KIAA2012: variants seen among roughly 807,000 people sequenced by gnomAD.
KIAA2012 encodes uncharacterized protein KIAA2012.
In KIAA2012, 125 loss-of-function variants were observed where a neutral mutation model predicts 150.6. That is an observed-to-expected ratio of 0.83 (90% confidence interval 0.72 to 0.96). The LOEUF (loss-of-function observed/expected upper bound fraction) is 0.96. KIAA2012 is among the 40% of genes least tolerant of loss of function. The pLI is 0.00. For synonymous variants in KIAA2012, 462 were observed against 504.7 expected (o/e 0.92, Z 1.13); for missense variants, 1,219 against 1,354.9 (o/e 0.90, Z 1.57).
intron 2 of KIAA2012, among the ~76,000 whole-genome samples, chr2:202,080,696 CAAAAAAA>C (rs59085497): frequency 1.9e-5 from 2 of 104,756 alleles, no homozygotes; most frequent in Non-Finnish European, 4.0e-5. Flanking sequence ...AACTCCGTCT[CAAAAAAA>C]AAAAAAAAAA....
intron 15 of KIAA2012, among the ~76,000 whole-genome samples, chr2:202,165,834 T>G (rs1691746468): frequency 6.6e-6 from 1 of 152,240 alleles, no homozygotes; most frequent in African/African-American, 2.4e-5. Context: ...TCAAAAGTAA[T>G]TAATTTTTAT....
At chr2:202,195,136 G>A (rs552663638) in intron 21 of KIAA2012, among the ~76,000 whole-genome samples, 13 of 152,128 alleles carry the variant, frequency 8.5e-5, no homozygotes, top group African/African-American at 3.1e-4. Flanking sequence ...TGACCGTTTG[G>A]CACATATATG....
At chr2:202,113,525 C>A (rs1180649243) in intron 11 of KIAA2012, 79 bp downstream of exon 11, 6 of 958,554 alleles carry the variant, frequency 6.3e-6, no homozygotes, top group Non-Finnish European at 9.3e-6. Flanking sequence ...CCAAATTTTC[C>A]CAGCAGCAGC....
intron 5 of KIAA2012, among the ~76,000 whole-genome samples, chr2:202,098,499 G>A (rs578174379): frequency 1.3e-5 from 2 of 152,322 alleles, no homozygotes; most frequent in Admixed American, 1.3e-4. Context: ...GCTTAACTTT[G>A]TTAAACTCTG....
At chr2:202,165,465 T>G in intron 15 of KIAA2012, 109 bp downstream of exon 15, 3 of 1,075,568 alleles carry the variant, frequency 2.8e-6, no homozygotes, top group Non-Finnish European at 4.1e-6. Context: ...CTCACGCCTG[T>G]AGTCCCAGCA....
At chr2:202,204,938 G>A (rs1311425916) in intron 23 of KIAA2012, 60 bp from the exon 24 acceptor site, 1 of 152,158 alleles carries the variant, frequency 6.6e-6, no homozygotes, top group Non-Finnish European at 1.5e-5. Flanking sequence ...AACACTTGAG[G>A]ATAACATCCT....
At chr2:202,128,977 T>C (rs1690861100) in intron 12 of KIAA2012, among the ~76,000 whole-genome samples, 1 of 152,116 alleles carries the variant, frequency 6.6e-6, no homozygotes, top group Non-Finnish European at 1.5e-5. Flanking sequence ...CACCTGTCTG[T>C]AATCCCAGCT....
At chr2:202,076,724 CT>C (rs1459545110) in intron 2 of KIAA2012, among the ~76,000 whole-genome samples, 1 of 152,160 alleles carries the variant, frequency 6.6e-6, no homozygotes, top group Non-Finnish European at 1.5e-5. Flanking sequence ...CCAGGACTGC[CT>C]ACCTCACCAG....
intron 11 of KIAA2012, among the ~76,000 whole-genome samples, chr2:202,121,207 C>T (rs150131064): frequency 1.2e-3 from 188 of 152,310 alleles, no homozygotes; most frequent in African/African-American, 4.1e-3. Context: ...GGTAACTTTA[C>T]GGAGCAGAGC....
intron 11 of KIAA2012, chr2:202,114,344 A>G (rs967699706): frequency 6.0e-6 from 1 of 167,094 alleles, no homozygotes; most frequent in Non-Finnish European, 1.5e-5. Flanking sequence ...TCCAGAAAGT[A>G]GAATGTATTT....
In KIAA2012 at chr2:202,149,538, T is replaced by C. The variant is rs557833381; in HGVS notation, c.1909-5135T>C. ...CAGCCTGTTCTCCGGCAGAATGAAG[T>C]TGTGAGCTGCGTGGGAGGGAGTTAG... On this transcript the variant is annotated intron_variant, in intron 13 of 23. Coordinates refer to ENST00000498697, the MANE Select transcript of KIAA2012 (RefSeq NM_001277372.4). 2.7e-3 allele frequency among the ~76,000 whole-genome samples: 414 copies of C among 152,266 alleles called. 1 individual carries two copies. The highest frequency in any genetic ancestry group is 9.4e-3 in the African/African-American group (389 of 41,558).
At chr2:202,112,556 T>C (rs979900750) in intron 10 of KIAA2012, among the ~76,000 whole-genome samples, 2 of 152,148 alleles carry the variant, frequency 1.3e-5, no homozygotes, top group Non-Finnish European at 2.9e-5. Flanking sequence ...GGACTTGCAA[T>C]TGGCATCTGA....
intron 5 of KIAA2012, among the ~76,000 whole-genome samples, chr2:202,099,361 GA>G (rs1030669884): frequency 2.6e-5 from 4 of 152,066 alleles, no homozygotes; most frequent in Admixed American, 2.6e-4. Context: ...AAAATCTTGT[GA>G]TTTTTTTTCA....
Position 202,087,510 on chromosome 2 carries a change from C to CAAAAAAAAAA in KIAA2012, c.370-3244_370-3235dup, listed in dbSNP as rs59728832. On this transcript the variant is annotated intron_variant, in intron 2 of 23. Coordinates refer to ENST00000498697, the MANE Select transcript of KIAA2012 (RefSeq NM_001277372.4). ...CCTGGTTGACAAAGCGAAACCATCT[C>CAAAAAAAAAA]AAAAAAAAAAAAAAAAAAAAAAAAA... 3.3e-3 allele frequency among the ~76,000 whole-genome samples: 175 copies of CAAAAAAAAAA among 52,516 alleles called. 14 individuals carry two copies. The highest frequency in any genetic ancestry group is 4.9e-3 in the Non-Finnish European group (150 of 30,752). 34.5% of individuals were successfully genotyped at this position (52,516 alleles called of 152,430 possible).
intron 14 of KIAA2012, among the ~76,000 whole-genome samples, chr2:202,155,786 T>C (rs1395795158): frequency 6.6e-6 from 1 of 152,122 alleles, no homozygotes; most frequent in Non-Finnish European, 1.5e-5. Context: ...TTCTACAAGG[T>C]GGGGCTTTGA....
At chr2:202,190,614 G>T in intron 19 of KIAA2012, 121 bp downstream of exon 19, 1 of 738,894 alleles carries the variant, frequency 1.4e-6, no homozygotes, top group Admixed American at 3.1e-5. Flanking sequence ...CCACCTAATG[G>T]TCTTATTGTT....
At chr2:202,139,819 G>A (rs983078066) in intron 13 of KIAA2012, among the ~76,000 whole-genome samples, 7 of 152,068 alleles carry the variant, frequency 4.6e-5, no homozygotes, top group Admixed American at 2.0e-4. Flanking sequence ...ATAATATGGT[G>A]TATTTTGATA....
At chr2:202,204,542 C>T (rs13383137) in intron 23 of KIAA2012, among the ~76,000 whole-genome samples, 16,533 of 152,198 alleles carry the variant, frequency 0.11, 1,051 homozygotes, top group Admixed American at 0.13. Context: ...TTTGGCCCTA[C>T]TCTATACTTA....
intron 5 of KIAA2012, among the ~76,000 whole-genome samples, chr2:202,098,711 C>G (rs1016082793): frequency 1.3e-5 from 2 of 151,674 alleles, no homozygotes; most frequent in Non-Finnish European, 2.9e-5. Flanking sequence ...TAAAATGGAG[C>G]TATTATCATA....
Sources: gnomAD v4.1 joint callset for allele counts (sites outside exome capture counted in the v4.1 genomes callset) on GRCh38, gnomAD v4.1.1 for gene constraint, MANE v1.5 for transcripts, NCBI Gene and HGNC (gene_info 2026-07-23, HGNC 2026-07-21) for gene names.